The following CGNL1 variants were observed in gnomAD, a reference collection of about 807,000 sequenced individuals.
CGNL1 encodes cingulin-like protein 1.
In CGNL1, 132 loss-of-function variants were observed where a neutral mutation model predicts 141.2. The observed-to-expected ratio is 0.93, with a 90% CI of 0.81 to 1.08. The LOEUF (loss-of-function observed/expected upper bound fraction) is 1.08, where lower values mean the gene tolerates loss of function less well. Among genes scored for constraint, CGNL1 ranks in the 50% least tolerant of loss-of-function variants. The pLI is 0.00. For synonymous variants in CGNL1, 690 were observed against 622.1 expected (o/e 1.11, Z -1.63); for missense variants, 1,870 against 1,588.6 (o/e 1.18, Z -3.01).
At chr15:57,504,551 AG>A (rs1416105881) in intron 8 of CGNL1, among the ~76,000 whole-genome samples, 4 of 152,240 alleles carry the variant, frequency 2.6e-5, no homozygotes, top group African/African-American at 4.8e-5. Flanking sequence ...CAGCCTCCAA[AG>A]CTCTGTAGCT....
chr15:57,440,415 T>A lies in CGNL1; in HGVS notation c.1641T>A (p.Thr547=), dbSNP rs759070329. ...TCTTAAAGGGCCAGCAAGAGCTCAC[T>A]CAGCAAACCAATGAGGAGACAGCTA... The part of the protein sequence containing the change: ...PDLLKGQQEL[T]QQTNEETAKQ... The change falls in exon 3 of 19, where the codon ACT becomes ACA. Residue 547 remains threonine (T), a synonymous_variant. Coordinates refer to ENST00000281282, the MANE Select transcript of CGNL1 (RefSeq NM_032866.5). The A allele has an allele frequency of 6.2e-7, 1 of 1,603,176 alleles. No individual in the cohort carries two copies. The highest frequency in any genetic ancestry group is 1.7e-5 in the Admixed American group (1 of 58,962).
intron 1 of CGNL1, among the ~76,000 whole-genome samples, chr15:57,394,901 T>G (rs951741095): frequency 6.6e-6 from 1 of 152,202 alleles, no homozygotes; most frequent in Admixed American, 6.5e-5. Context: ...CACTTGAGGT[T>G]AGGAGTTCGA....
At chr15:57,483,724 T>C (rs533323978) in intron 8 of CGNL1, among the ~76,000 whole-genome samples, 4 of 152,326 alleles carry the variant, frequency 2.6e-5, no homozygotes, top group African/African-American at 9.6e-5. Flanking sequence ...TTCTTACTAT[T>C]AAATATAATG....
chr15:57,430,690 A>T (rs1163561222), intron 1 of CGNL1, among the ~76,000 whole-genome samples: 1 of 152,158 alleles, frequency 6.6e-6, no homozygotes, highest in Non-Finnish European at 1.5e-5. Context: ...GGGCCAGGCC[A>T]TGTGGATCAG....
chr15:57,417,842 A>C (rs2062866596), intron 1 of CGNL1, among the ~76,000 whole-genome samples: 1 of 152,092 alleles, frequency 6.6e-6, no homozygotes, highest in African/African-American at 2.4e-5. Context: ...TGTGAAGGAG[A>C]GGTGATGGGA....
rs746456658 is a variant in CGNL1, at chr15:57,545,680, T to C, written c.3589T>C (p.Leu1197=). 5 of 1,613,090 alleles carry C rather than the reference T, an allele frequency of 3.1e-6. No individual in the cohort carries two copies. The highest frequency in any genetic ancestry group is 2.5e-6 in the Non-Finnish European group (3 of 1,179,570). ...VMQVDDEHLS[L]TDQKDQLSLR... Reference sequence around the variant, plus strand: ...GCAGGTGGATGATGAGCACCTGTCATTGACTGATCAGAAGGACCAGGTGGG... The same window carrying C: ...GCAGGTGGATGATGAGCACCTGTCACTGACTGATCAGAAGGACCAGGTGGG... Residue 1197 remains leucine, a synonymous_variant, in exon 17 of 19, where the codon TTG becomes CTG. Transcript: ENST00000281282.
In CGNL1 at chr15:57,547,581, A is replaced by C; in HGVS notation, c.*91A>C. ...GCAGGGAGGGGAGCATCTGTCTGCC[A>C]CTGAGACCAATCACAGCCTCTTTGC... is the stretch of plus-strand genomic sequence containing the variant. On this transcript the variant is annotated 3_prime_UTR_variant, in exon 19 of 19. Transcript: ENST00000281282. The C allele has an allele frequency of 6.9e-7, 1 of 1,442,010 alleles. No homozygotes were observed. The highest frequency in any genetic ancestry group is 1.3e-5 in the South Asian group (1 of 77,286). 89.3% of individuals were successfully genotyped at this position (1,442,010 alleles called of 1,614,324 possible). A position where few individuals can be genotyped will look rare whatever the true frequency, so the allele number is the denominator to read the frequency against.
intron 8 of CGNL1, among the ~76,000 whole-genome samples, chr15:57,515,170 A>T (rs2030667229): frequency 1.3e-5 from 2 of 152,136 alleles, no homozygotes; most frequent in Admixed American, 1.3e-4. Context: ...TGCTGGTTTC[A>T]TTAGGAGACG....
At chr15:57,543,649 C>A in intron 14 of CGNL1, 47 bp from the exon 15 acceptor site, 2 of 1,500,114 alleles carry the variant, frequency 1.3e-6, no homozygotes, top group Non-Finnish European at 1.9e-6. Flanking sequence ...ACAAAAGATA[C>A]AGGAACAGTC....
intron 1 of CGNL1, among the ~76,000 whole-genome samples, chr15:57,434,225 A>G (rs1487545318): frequency 1.3e-5 from 2 of 152,234 alleles, no homozygotes; most frequent in African/African-American, 4.8e-5. Flanking sequence ...ATGAAAGAGG[A>G]GCAATTAGAG....
Position 57,458,432 on chromosome 15 carries a change from G to A in CGNL1, c.2191-3248G>A, listed in dbSNP as rs1214392786. Among the ~76,000 whole-genome samples the A allele has an allele frequency of 1.3e-5, 2 of 152,264 alleles. 1 individual carries two copies. The highest frequency in any genetic ancestry group is 1.3e-4 in the Admixed American group (2 of 15,300). On this transcript the variant is annotated intron_variant, in intron 7 of 18. Transcript: ENST00000281282. ...GGTGTAATCTGATTGGATTTGTGCT[G>A]CACAGTCCACTTAAGCAACAGATAA...
chr15:57,404,497 A>G (rs1236793528), intron 1 of CGNL1, among the ~76,000 whole-genome samples: 2 of 152,252 alleles, frequency 1.3e-5, no homozygotes, highest in African/African-American at 2.4e-5. Flanking sequence ...ATTGAAAAAT[A>G]TGGATCCTTG....
At position 57,547,438 on chromosome 15, in the gene CGNL1, C is replaced by A. The variant is rs368459524; in HGVS notation, c.3857C>A (p.Ala1286Glu). 1.9e-6 allele frequency: 3 copies of A among 1,614,138 alleles called. No homozygotes were observed. The highest frequency in any genetic ancestry group is 2.2e-5 in the South Asian group (2 of 91,062). The change falls in exon 19 of 19, where the codon GCG becomes GAG. Residue 1286 changes from alanine to glutamate, a missense_variant. By Grantham distance (107) the Ala-to-Glu change is moderately radical. Coordinates refer to ENST00000281282, the MANE Select transcript of CGNL1 (RefSeq NM_032866.5). ...LSTDGGSLYE[A>E]PVSYTFSKDS... ...ACGGATGGGGGAAGCCTCTATGAGGCGCCTGTGAGCTACACATTCTCCAAG... is the reference window on the plus strand; with the variant it reads ...ACGGATGGGGGAAGCCTCTATGAGGAGCCTGTGAGCTACACATTCTCCAAG...
chr15:57,540,736 C>T (rs183689044), intron 14 of CGNL1, among the ~76,000 whole-genome samples: 14 of 152,296 alleles, frequency 9.2e-5, no homozygotes, highest in South Asian at 8.3e-4. Context: ...ATGCAGGGCT[C>T]GTTCATTTGT....
At chr15:57,516,642 GT>G (rs2030822441) in intron 8 of CGNL1, 137 bp from the exon 9 acceptor site, 1 of 849,098 alleles carries the variant, frequency 1.2e-6, no homozygotes, top group Non-Finnish European at 1.8e-6. Context: ...GCAGGCTGTC[GT>G]TTGCCGACCC....
In CGNL1 at chr15:57,439,611, G is replaced by C. The variant is rs2063159832; in HGVS notation, c.1602+10G>C. The C allele has an allele frequency of 1.2e-6, 2 of 1,605,182 alleles. No individual in the cohort carries two copies. Among genetic ancestry groups the C allele is most frequent in the African/African-American group, 1.3e-5 (1 of 74,556 alleles). On this transcript the variant is annotated intron_variant, in intron 2 of 18. Coordinates refer to ENST00000281282, the MANE Select transcript of CGNL1 (RefSeq NM_032866.5). ...GGCCTCAAATACTCAGGTAACACTA[G>C]TGCGATTCCTGTTTGGTTTTTTTTC...
At chr15:57,472,947 C>T (rs2063601480) in intron 8 of CGNL1, among the ~76,000 whole-genome samples, 1 of 152,182 alleles carries the variant, frequency 6.6e-6, no homozygotes, top group South Asian at 2.1e-4. Flanking sequence ...TAGTGGGGTG[C>T]TTGCCTATCT....
intron 8 of CGNL1, among the ~76,000 whole-genome samples, chr15:57,491,622 ATG>A: frequency 6.6e-6 from 1 of 152,334 alleles, no homozygotes; most frequent in Middle Eastern, 3.4e-3. Flanking sequence ...GTACTCGAAG[ATG>A]CTCACATTGT....
intron 8 of CGNL1, among the ~76,000 whole-genome samples, chr15:57,463,650 C>T (rs1454446776): frequency 2.0e-5 from 3 of 152,232 alleles, no homozygotes; most frequent in East Asian, 1.9e-4. Flanking sequence ...CAAATCTGAT[C>T]GTGTCAGCCT....
Sources: allele counts gnomAD v4.1 joint callset (sites outside exome capture counted in the v4.1 genomes callset), GRCh38; gene constraint gnomAD v4.1.1; transcripts MANE v1.5; gene names NCBI Gene and HGNC (gene_info 2026-07-23, HGNC 2026-07-21).